DNAH5: variants seen among roughly 807,000 people sequenced by gnomAD.
The protein encoded by DNAH5 is axonemal beta dynein heavy chain 5.
DNAH5 carries 372 observed loss-of-function variants against 518.2 expected under a neutral mutation model. That is an observed-to-expected ratio of 0.72 (90% CI 0.66 to 0.78). DNAH5 has a LOEUF of 0.78. Among genes scored for constraint, DNAH5 ranks in the 30% least tolerant of loss-of-function variants. The pLI is 0.00. For synonymous variants in DNAH5, 2,039 were observed against 2,025.9 expected, an observed-to-expected ratio of 1.01 and a Z score of -0.17; for missense variants, 5,523 against 5,687.0, an observed-to-expected ratio of 0.97 and a Z score of 0.93.
intron 61 of DNAH5, among the ~76,000 whole-genome samples, chr5:13,756,644 A>C (rs942710668): frequency 6.6e-6 from 1 of 152,272 alleles, no homozygotes; most frequent in African/African-American, 2.4e-5. Context: ...TTTTCCATAC[A>C]TAAGTGAATT....
intron 15 of DNAH5, chr5:13,899,475 A>G (rs1774305209): frequency 6.6e-6 from 1 of 152,332 alleles, no homozygotes. Context: ...TGGCTTCTCC[A>G]CTGAACTCCA....
chr5:14,007,294 A>C (rs1581164278), intron 1 of DNAH5, among the ~76,000 whole-genome samples: 1 of 152,188 alleles, frequency 6.6e-6, no homozygotes, highest in Non-Finnish European at 1.5e-5. Flanking sequence ...AACAGGCTAA[A>C]CAGTGTTCAG....
At chr5:13,785,202 G>A (rs999728549) in intron 52 of DNAH5, among the ~76,000 whole-genome samples, 4 of 151,776 alleles carry the variant, frequency 2.6e-5, no homozygotes, top group African/African-American at 9.7e-5. Context: ...ATTCTCATAA[G>A]GAGCGTGCAA....
At position 13,870,835 on chromosome 5, in the gene DNAH5, C is replaced by T. The variant is rs369316914; in HGVS notation, c.3766G>A (p.Ala1256Thr). 1.2e-6 allele frequency: 2 copies of T among 1,613,718 alleles called. No individual in the cohort carries two copies. Among genetic ancestry groups the T allele is most frequent in the African/African-American group, 1.3e-5 (1 of 74,882 alleles). ...PIKDLDDIRI[A>T]MAALKEIREE... ...CTTATTTCTTTCAGCGCTGCCATTG[C>T]AATCCGAATATCATCTAGGTCCTTA... The change falls in exon 24 of 79, where the codon GCA (alanine) becomes ACA (threonine). Residue 1256 changes from alanine (A) to threonine (T), a missense_variant. Ala to Thr is a moderately conservative substitution (Grantham distance 58). Around this residue, in one of 3 missense-constraint regions of DNAH5, gnomAD observed 5,121 missense variants for 5,223.3 expected, o/e 0.98. Coordinates refer to ENST00000265104, the MANE Select transcript of DNAH5 (RefSeq NM_001369.3).
intron 47 of DNAH5, among the ~76,000 whole-genome samples, chr5:13,801,621 GTC>G (rs1431231338): frequency 6.6e-6 from 1 of 152,054 alleles, no homozygotes; most frequent in African/African-American, 2.4e-5. Flanking sequence ...CTCCTCTCAG[GTC>G]TCTCTGAGTG....
At chr5:13,796,111 C>A (rs1757780304) in intron 47 of DNAH5, among the ~76,000 whole-genome samples, 1 of 152,138 alleles carries the variant, frequency 6.6e-6, no homozygotes, top group Admixed American at 6.5e-5. Flanking sequence ...TGGGCAAAAA[C>A]TGGAAGCATT....
chr5:13,878,048 G>T (rs566531660), intron 21 of DNAH5, among the ~76,000 whole-genome samples: 4 of 152,258 alleles, frequency 2.6e-5, no homozygotes, highest in East Asian at 1.9e-4. Flanking sequence ...ACTGGCATTT[G>T]TGTGTCTCTC....
rs756789950 is a variant in DNAH5, at chr5:13,718,873, T to A, written c.12499+9A>T. On this transcript the variant is annotated intron_variant, in intron 72 of 78. Coordinates refer to ENST00000265104, the MANE Select transcript of DNAH5 (RefSeq NM_001369.3). ...ACTCCTGTAGACTCGCAAGTATTTC[T>A]GGACTCACCACTATATGTTCTTTTC... 10 of 1,604,760 alleles carry A rather than the reference T, an allele frequency of 6.2e-6. No individual in the cohort carries two copies. In the African/African-American group the frequency reaches 1.3e-4, roughly 21 times the overall value.
intron 1 of DNAH5, among the ~76,000 whole-genome samples, chr5:14,009,605 C>T (rs1784978500): frequency 6.6e-6 from 1 of 151,968 alleles, no homozygotes; most frequent in Admixed American, 6.5e-5. Context: ...GTGGCACTAA[C>T]CTGCCAATAT....
At chr5:13,966,465 G>C (rs1032531250) in intron 1 of DNAH5, among the ~76,000 whole-genome samples, 1 of 152,168 alleles carries the variant, frequency 6.6e-6, no homozygotes, top group African/African-American at 2.4e-5. Flanking sequence ...GGTTGTACTA[G>C]TTTACATTCC....
At chr5:13,813,898 C>T (rs372270722) in intron 43 of DNAH5, among the ~76,000 whole-genome samples, 9 of 152,114 alleles carry the variant, frequency 5.9e-5, no homozygotes, top group African/African-American at 7.2e-5. Context: ...AAATCATCTT[C>T]GAAAAACTTA....
chr5:13,729,507 G>C lies in DNAH5; in HGVS notation c.11815C>G (p.Leu3939Val), dbSNP rs764968328. The change falls in exon 69 of 79, where the codon CTG becomes GTG. Residue 3939 changes from leucine to valine, a missense_variant. By Grantham distance (32) the Leu-to-Val change is conservative (BLOSUM62 1). Around this residue, in one of 3 missense-constraint regions of DNAH5, gnomAD observed 5,121 missense variants for 5,223.3 expected, o/e 0.98. Coordinates refer to ENST00000265104, the MANE Select transcript of DNAH5 (RefSeq NM_001369.3). The stretch of plus-strand genomic sequence containing the variant: ...ACCAAATTCAGCCATGTTATGTCCA[G>C]GATCCATTTTGATGGTTTTGGAGGA... ...ACPPKPSKWILDITWLNLVEL... is the reference protein window; with the variant it reads ...ACPPKPSKWIVDITWLNLVEL... The C allele has an allele frequency of 1.2e-6, 2 of 1,613,816 alleles. No individual in the cohort carries two copies. The highest frequency in any genetic ancestry group is 1.7e-6 in the Non-Finnish European group (2 of 1,179,886).
At chr5:13,922,684 C>T (rs1322100443) in intron 4 of DNAH5, among the ~76,000 whole-genome samples, 2 of 146,170 alleles carry the variant, frequency 1.4e-5, no homozygotes, top group South Asian at 2.2e-4. Flanking sequence ...GCCAAGATGG[C>T]GCCACTGCAC....
chr5:14,005,677 T>C (rs1784678436), intron 1 of DNAH5, among the ~76,000 whole-genome samples: 1 of 152,258 alleles, frequency 6.6e-6, no homozygotes, highest in African/African-American at 2.4e-5. Flanking sequence ...ACCAAAAATA[T>C]GGTGTTTTAT....
At chr5:13,981,481 C>T (rs554047997) in intron 1 of DNAH5, among the ~76,000 whole-genome samples, 12 of 152,326 alleles carry the variant, frequency 7.9e-5, no homozygotes, top group African/African-American at 2.6e-4. Flanking sequence ...TAGACTCACA[C>T]TCCTGGCCTC....
intron 1 of DNAH5, among the ~76,000 whole-genome samples, chr5:14,011,573 G>C (rs1468199094): frequency 1.3e-5 from 2 of 152,110 alleles, no homozygotes; most frequent in African/African-American, 4.8e-5. Flanking sequence ...GGGAACCCCG[G>C]GCCGCTCGGC....
At chr5:13,915,845 G>A (rs560618861) in intron 9 of DNAH5, among the ~76,000 whole-genome samples, 110 of 152,168 alleles carry the variant, frequency 7.2e-4, no homozygotes, top group Middle Eastern at 6.8e-3. Flanking sequence ...TTTAAGCATC[G>A]TTATGTTTTT....
intron 1 of DNAH5, among the ~76,000 whole-genome samples, chr5:13,958,817 CATAG>C (rs1329997524): frequency 1.3e-5 from 2 of 152,136 alleles, no homozygotes; most frequent in African/African-American, 2.4e-5. Context: ...CTTACAGTGC[CATAG>C]ATAGTTAACA....
intron 77 of DNAH5, 139 bp downstream of exon 77, chr5:13,701,145 A>G: frequency 3.5e-6 from 4 of 1,159,040 alleles, no homozygotes; most frequent in Non-Finnish European, 5.1e-6. Context: ...GCTGGGATTT[A>G]TGTACATGAC....
Sources: allele counts gnomAD v4.1 joint callset (sites outside exome capture counted in the v4.1 genomes callset), GRCh38; gene constraint gnomAD v4.1.1; regional missense constraint gnomAD v4.1.1; transcripts MANE v1.5; gene names NCBI Gene and HGNC (gene_info 2026-07-23, HGNC 2026-07-21).